The following MXRA7 variants were observed in gnomAD, a reference collection of about 807,000 sequenced individuals.
The protein encoded by MXRA7 is matrix-remodeling-associated protein 7.
MXRA7 carries 18 observed loss-of-function variants against 17.4 expected under a neutral mutation model. That is an observed-to-expected ratio of 1.03 (90% CI 0.71 to 1.53). MXRA7 has a LOEUF of 1.53. Ranked by LOEUF, MXRA7 falls within the 40% of genes most tolerant of loss-of-function variation. The probability of loss-of-function intolerance (pLI) is 0.00; values close to 1 mark genes in which losing one functional copy is unlikely to be tolerated. For synonymous variants in MXRA7, 70 were observed against 101.7 expected (o/e 0.69, Z 1.87); for missense variants, 141 against 209.3 (o/e 0.67, Z 2.01).
intron 1 of MXRA7, among the ~76,000 whole-genome samples, chr17:76,692,635 TAA>T (rs35115981): frequency 2.8e-5 from 4 of 142,706 alleles, no homozygotes; most frequent in Admixed American, 7.0e-5. Flanking sequence ...CTAGTATTGT[TAA>T]AAAAAAAAAA....
chr17:76,677,626 C>T (rs1051464067), downstream of MXRA7: 13 of 1,613,202 alleles, frequency 8.1e-6, no homozygotes, highest in African/African-American at 2.7e-5. Flanking sequence ...TGCACGTCGC[C>T]GTCGGACATC....
At chr17:76,694,274 C>T (rs947005530) in intron 1 of MXRA7, among the ~76,000 whole-genome samples, 4 of 152,126 alleles carry the variant, frequency 2.6e-5, no homozygotes, top group African/African-American at 9.7e-5. Flanking sequence ...AGAACCGCTC[C>T]ATTCCAACTC....
downstream of MXRA7, chr17:76,676,571 T>C (rs2076242759): frequency 6.6e-6 from 1 of 152,022 alleles, no homozygotes; most frequent in Admixed American, 6.6e-5. Flanking sequence ...GAGACCAGCC[T>C]GGCCAACATG....
chr17:76,696,894 G>A (rs2076538089), intron 1 of MXRA7, among the ~76,000 whole-genome samples: 1 of 152,170 alleles, frequency 6.6e-6, no homozygotes. Context: ...ACCCAACAGA[G>A]TACGCAGCTG....
At chr17:76,688,689 CCACA>C (rs1252890840) in intron 1 of MXRA7, 1 of 1,236,394 alleles carries the variant, frequency 8.1e-7, no homozygotes, top group African/African-American at 1.5e-5. Context: ...CAGTTCTCTC[CCACA>C]CAGAGACACA....
chr17:76,703,059 C>T (rs778778873), intron 1 of MXRA7, among the ~76,000 whole-genome samples: 1 of 151,460 alleles, frequency 6.6e-6, no homozygotes, highest in Non-Finnish European at 1.5e-5. Context: ...TTGCAGTGAG[C>T]TGAGATTGCA....
intron 1 of MXRA7, among the ~76,000 whole-genome samples, chr17:76,704,507 CT>C (rs768459212): frequency 1.6e-3 from 221 of 140,194 alleles, no homozygotes; most frequent in South Asian, 8.3e-3. Context: ...GCCCGGCCAG[CT>C]TTTTTTTTTT....
chr17:76,677,572 ATCCCGTGGGCGCAGTCTACATGTCGT>A, downstream of MXRA7: 1 of 1,585,694 alleles, frequency 6.3e-7, no homozygotes, highest in Non-Finnish European at 8.6e-7. Flanking sequence ...GCCGCTGTGC[ATCCCGTGGGCGCAGTCTACATGTCGT>A]AGAGCCGGAG....
rs117880157 is a variant in MXRA7, at chr17:76,685,288, G to A, written c.407-123C>T. 809 of 710,578 alleles carry A rather than the reference G, an allele frequency of 1.1e-3. 8 individuals carry two copies. In the East Asian group the frequency reaches 0.017, roughly 15 times the overall value. The allele number at this position is 710,578 out of a possible 1,614,324, so 44.0% of individuals were successfully genotyped here. On this transcript the variant is annotated intron_variant, in intron 2 of 3. Transcript: ENST00000449428. ...GCAGAGGCCACATCTGGCTATCAGA[G>A]ACATCTCACCCCAGCGCCTATACCC...
downstream of MXRA7, among the ~76,000 whole-genome samples, chr17:76,678,345 T>C (rs2076257719): frequency 6.6e-6 from 1 of 152,190 alleles, no homozygotes; most frequent in Non-Finnish European, 1.5e-5. Flanking sequence ...CTGGCCTAAA[T>C]GTTTGCTCCA....
At chr17:76,683,649 C>A (rs1223060045) in intron 3 of MXRA7, among the ~76,000 whole-genome samples, 2 of 152,222 alleles carry the variant, frequency 1.3e-5, no homozygotes, top group East Asian at 3.8e-4. Context: ...CCTCCAGGAA[C>A]CTCTGCCCCC....
chr17:76,703,762 A>G (rs1285666343), intron 1 of MXRA7: 1 of 152,024 alleles, frequency 6.6e-6, no homozygotes, highest in Non-Finnish European at 1.5e-5. Context: ...AATACATTGA[A>G]AAAAACAAAA....
Position 76,681,816 on chromosome 17 carries a change from G to GGGA in MXRA7, c.501-940_501-938dup, listed in dbSNP as rs142620170. 0.019 allele frequency among the ~76,000 whole-genome samples: 2,919 copies of GGGA among 152,272 alleles called. 89 individuals carry two copies. The highest frequency in any genetic ancestry group is 0.065 in the African/African-American group (2,717 of 41,532). On this transcript the variant is annotated intron_variant, in intron 3 of 3. Coordinates refer to ENST00000449428, the MANE Select transcript of MXRA7 (RefSeq NM_198530.4). The surrounding 1 kb of genome is among the most constrained non-coding windows in gnomAD (Gnocchi z 4.7). ...GCCCTGCCAGCTTCCCTAGCTCTGG[G>GGGA]GGAGGAGGAGGAGGCCTCTTGCTCA...
downstream of MXRA7, chr17:76,677,818 G>C: frequency 1.4e-6 from 1 of 694,324 alleles, no homozygotes; most frequent in Non-Finnish European, 2.6e-6. Context: ...GACTGCGGTT[G>C]CTTTTCAGAA....
downstream of MXRA7, chr17:76,674,899 G>A (rs2076228157): frequency 6.6e-6 from 1 of 152,224 alleles, no homozygotes; most frequent in African/African-American, 2.4e-5. Flanking sequence ...TTCTGGATGA[G>A]ATACCTGAAC....
At chr17:76,680,989 C>G in intron 3 of MXRA7, 110 bp from the exon 4 acceptor site, 3 of 905,926 alleles carry the variant, frequency 3.3e-6, no homozygotes, top group Non-Finnish European at 3.5e-6. Flanking sequence ...TTTGGAATTG[C>G]AGAAGCTGCG....
At chr17:76,683,764 T>C in intron 3 of MXRA7, 1 of 952,188 alleles carries the variant, frequency 1.1e-6, no homozygotes, top group Non-Finnish European at 1.7e-6. Flanking sequence ...GGAGGGGAGG[T>C]TGAGGCCGCG....
chr17:76,698,728 T>G (rs1333744938), intron 1 of MXRA7, among the ~76,000 whole-genome samples: 2 of 144,114 alleles, frequency 1.4e-5, no homozygotes, highest in South Asian at 2.3e-4. Flanking sequence ...TTTTTTTTTT[T>G]TTTTTTTTTT....
rs1363757717 is a variant in MXRA7, at chr17:76,688,390, A to C, written c.343-214T>G. On this transcript the variant is annotated intron_variant, in intron 1 of 3. Coordinates refer to ENST00000449428, the MANE Select transcript of MXRA7 (RefSeq NM_198530.4). ...GACTCGGCTCACAAATGCTGAGCTG[A>C]GGCGTGTTCTTGACTGTGCACCCCA... The C allele has an allele frequency of 2.8e-6, 4 of 1,430,794 alleles. No homozygotes were observed. In the East Asian group the frequency reaches 7.6e-5, roughly 27 times the overall value. 88.6% of individuals were successfully genotyped at this position (1,430,794 alleles called of 1,614,324 possible).
Sources: allele counts gnomAD v4.1 joint callset (sites outside exome capture counted in the v4.1 genomes callset), GRCh38; gene constraint gnomAD v4.1.1; non-coding constraint Gnocchi (gnomAD v3.1); transcripts MANE v1.5; gene names NCBI Gene and HGNC (gene_info 2026-07-23, HGNC 2026-07-21).